The following RAPGEF2 variants were observed in gnomAD, a reference collection of about 807,000 sequenced individuals.
The protein encoded by RAPGEF2 is PDZ domain containing guanine nucleotide exchange factor (GEF) 1.
RAPGEF2 carries 54 observed loss-of-function variants against 186.7 expected under a neutral mutation model. The observed-to-expected ratio is 0.29, with a 90% CI of 0.23 to 0.36. RAPGEF2 has a LOEUF of 0.36. Among genes scored for constraint, RAPGEF2 ranks in the 10% least tolerant of loss-of-function variants. The pLI is 1.00. For missense variants in RAPGEF2, 1,532 were observed against 2,045.0 expected (o/e 0.75, Z 4.84); for synonymous variants, 712 against 705.9 (o/e 1.01, Z -0.14).
chr4:159,206,151 C>T (rs560523240), intron 3 of RAPGEF2, among the ~76,000 whole-genome samples: 2 of 152,296 alleles, frequency 1.3e-5, no homozygotes, highest in South Asian at 2.1e-4. Context: ...AGGATGGTCT[C>T]GATCTCCTGA....
At chr4:159,199,407 G>A (rs1404771429) in intron 3 of RAPGEF2, among the ~76,000 whole-genome samples, 1 of 151,448 alleles carries the variant, frequency 6.6e-6, no homozygotes, top group Admixed American at 6.6e-5. Context: ...TAGGGACTAT[G>A]TTTGTTTCAG....
chr4:159,140,926 G>T (rs1742251588), intron 1 of RAPGEF2, among the ~76,000 whole-genome samples: 1 of 151,510 alleles, frequency 6.6e-6, no homozygotes. Flanking sequence ...CTGCCTCCTT[G>T]GTTCAAGTGA....
intron 1 of RAPGEF2, among the ~76,000 whole-genome samples, chr4:159,184,284 A>G (rs963006638): frequency 6.6e-6 from 1 of 152,178 alleles, no homozygotes. Context: ...GTCAAATGGT[A>G]TTTCTAGTTA....
chr4:159,138,751 T>TTA (rs1200581036), intron 1 of RAPGEF2, among the ~76,000 whole-genome samples: 1 of 152,226 alleles, frequency 6.6e-6, no homozygotes, highest in South Asian at 2.1e-4. Context: ...GTAATAATCT[T>TTA]AAAGCATATT....
At chr4:159,151,539 T>C (rs1482683901) in intron 1 of RAPGEF2, among the ~76,000 whole-genome samples, 1 of 152,252 alleles carries the variant, frequency 6.6e-6, no homozygotes, top group Non-Finnish European at 1.5e-5. Flanking sequence ...TGTGCTGGTC[T>C]GTGGACAATG....
intron 1 of RAPGEF2, among the ~76,000 whole-genome samples, chr4:159,121,203 A>G (rs1739641228): frequency 6.6e-6 from 1 of 152,094 alleles, no homozygotes; most frequent in Non-Finnish European, 1.5e-5. Flanking sequence ...GAGCTGATAA[A>G]TGTTTAATGA....
At chr4:159,263,810 ATACTT>A (rs1195132518) in intron 7 of RAPGEF2, among the ~76,000 whole-genome samples, 2 of 152,156 alleles carry the variant, frequency 1.3e-5, no homozygotes, top group Non-Finnish European at 2.9e-5. Context: ...TAGAAAGTGA[ATACTT>A]TAGGTGGAAA....
At chr4:159,114,241 T>A (rs1738802942) in intron 1 of RAPGEF2, among the ~76,000 whole-genome samples, 2 of 151,876 alleles carry the variant, frequency 1.3e-5, no homozygotes, top group African/African-American at 4.8e-5. Flanking sequence ...GTAGCTGGGA[T>A]TACAGGTGCA....
intron 22 of RAPGEF2, 137 bp downstream of exon 22, chr4:159,343,541 C>A: frequency 1.8e-6 from 2 of 1,115,572 alleles, no homozygotes; most frequent in Non-Finnish European, 2.5e-6. Flanking sequence ...TGCTGAGAAT[C>A]ACCTGTGAGC....
intron 2 of RAPGEF2, among the ~76,000 whole-genome samples, chr4:159,187,353 C>T (rs1298106713): frequency 1.3e-5 from 2 of 151,824 alleles, no homozygotes; most frequent in African/African-American, 4.8e-5. Context: ...CCCTCCCTTC[C>T]TCTCTCACTT....
intron 3 of RAPGEF2, among the ~76,000 whole-genome samples, chr4:159,194,284 G>A (rs150235967): frequency 5.6e-4 from 85 of 152,244 alleles, no homozygotes; most frequent in African/African-American, 2.0e-3. Flanking sequence ...AGGAGAAGAC[G>A]CAGTCTACAG....
At chr4:159,214,329 AAGG>A (rs1261066426) in intron 4 of RAPGEF2, among the ~76,000 whole-genome samples, 1 of 152,212 alleles carries the variant, frequency 6.6e-6, no homozygotes, top group Non-Finnish European at 1.5e-5. Context: ...TAGTAAGAAG[AAGG>A]AGTTTTTCCT....
chr4:159,285,238 T>G (rs1298954007), intron 7 of RAPGEF2, among the ~76,000 whole-genome samples: 1 of 152,158 alleles, frequency 6.6e-6, no homozygotes, highest in African/African-American at 2.4e-5. Flanking sequence ...ATCACAGATA[T>G]CAGATGTTGG....
chr4:159,244,690 T>C (rs2111487815), intron 7 of RAPGEF2, among the ~76,000 whole-genome samples: 1 of 152,078 alleles, frequency 6.6e-6, no homozygotes, highest in East Asian at 1.9e-4. Flanking sequence ...GGGAAATCTA[T>C]CATTGATATA....
chr4:159,348,717 A>G (rs1730751889), intron 25 of RAPGEF2, among the ~76,000 whole-genome samples: 1 of 152,214 alleles, frequency 6.6e-6, no homozygotes, highest in South Asian at 2.1e-4. Flanking sequence ...TATAATGTAG[A>G]TGTCTCTGAG....
At chr4:159,294,045 G>A (rs1368720031) in intron 7 of RAPGEF2, among the ~76,000 whole-genome samples, 3 of 152,206 alleles carry the variant, frequency 2.0e-5, no homozygotes, top group African/African-American at 4.8e-5. Flanking sequence ...CTGGTGAATA[G>A]CTAGCCAGTC....
At chr4:159,271,583 G>A (rs1317202942) in intron 7 of RAPGEF2, among the ~76,000 whole-genome samples, 1 of 152,090 alleles carries the variant, frequency 6.6e-6, no homozygotes, top group Non-Finnish European at 1.5e-5. Flanking sequence ...ACTAGTAAGT[G>A]GTAGAGCCAT....
intron 4 of RAPGEF2, among the ~76,000 whole-genome samples, chr4:159,219,630 C>T (rs948580258): frequency 1.2e-4 from 18 of 152,194 alleles, no homozygotes; most frequent in African/African-American, 4.3e-4. Context: ...GCTGGGATTA[C>T]AGGCGTGAGC....
chr4:159,330,259 A>ATGTGTGTGTGTG (rs1164757472), intron 12 of RAPGEF2, 75 bp from the exon 13 acceptor site: 4 of 530,998 alleles, frequency 7.5e-6, no homozygotes, highest in South Asian at 6.0e-5. Context: ...GTGTGTGTAT[A>ATGTGTGTGTGTG]TGTATATGTG....
Sources: allele counts gnomAD v4.1 joint callset (sites outside exome capture counted in the v4.1 genomes callset), GRCh38; gene constraint gnomAD v4.1.1; transcripts MANE v1.5; gene names NCBI Gene and HGNC (gene_info 2026-07-23, HGNC 2026-07-21).